The following THSD7B variants were observed in gnomAD, a reference collection of about 807,000 sequenced individuals.
THSD7B encodes the protein thrombospondin type-1 domain-containing protein 7B.
A neutral mutation model predicts 213.6 loss-of-function variants in THSD7B; 138 were observed. The observed-to-expected ratio is 0.65, with a 90% CI of 0.56 to 0.74. The LOEUF (loss-of-function observed/expected upper bound fraction) is 0.74, where lower values mean the gene tolerates loss of function less well. Ranked by LOEUF, THSD7B falls within the 30% of genes least tolerant of loss-of-function variation. The pLI is 0.00. For synonymous variants in THSD7B, 742 were observed against 687.0 expected, an observed-to-expected ratio of 1.08 and a Z score of -1.25; for missense variants, 1,931 against 1,991.5, an observed-to-expected ratio of 0.97 and a Z score of 0.58.
intron 1 of THSD7B, among the ~76,000 whole-genome samples, chr2:136,851,962 G>T (rs1248175269): frequency 2.0e-5 from 3 of 150,974 alleles, no homozygotes; most frequent in Non-Finnish European, 4.4e-5. Flanking sequence ...TGTAGTAACA[G>T]AATAAGGGCC....
At chr2:137,128,287 TC>T (rs1688664389) in intron 5 of THSD7B, among the ~76,000 whole-genome samples, 1 of 152,212 alleles carries the variant, frequency 6.6e-6, no homozygotes, top group Admixed American at 6.5e-5. Flanking sequence ...GATTTATTAA[TC>T]TATTTCTACA....
At chr2:137,526,191 G>A (rs1332744876) in intron 15 of THSD7B, among the ~76,000 whole-genome samples, 1 of 151,912 alleles carries the variant, frequency 6.6e-6, no homozygotes, top group East Asian at 1.9e-4. Context: ...TGGGCTACTG[G>A]GTACATTCCC....
chr2:137,439,744 G>A (rs1205208843), intron 14 of THSD7B, among the ~76,000 whole-genome samples: 6 of 152,078 alleles, frequency 3.9e-5, no homozygotes, highest in African/African-American at 7.2e-5. Flanking sequence ...CATTAGCTCC[G>A]TGAAAGGTAC....
chr2:136,982,115 G>T (rs1001431803), intron 2 of THSD7B, among the ~76,000 whole-genome samples: 1 of 152,162 alleles, frequency 6.6e-6, no homozygotes, highest in Admixed American at 6.5e-5. Flanking sequence ...CAGACAGGCT[G>T]ATCTTGAACT....
chr2:136,766,807 C>T (rs1270418950), intron 1 of THSD7B, among the ~76,000 whole-genome samples: 1 of 152,174 alleles, frequency 6.6e-6, no homozygotes, highest in Non-Finnish European at 1.5e-5. Context: ...TGTTCATTGC[C>T]AGGGTGGTCT....
At chr2:137,619,223 A>G (rs921849017) in intron 19 of THSD7B, among the ~76,000 whole-genome samples, 23 of 152,250 alleles carry the variant, frequency 1.5e-4, no homozygotes, top group African/African-American at 5.5e-4. Context: ...CTTTGGATAA[A>G]TTGGAAAAAG....
At chr2:136,858,485 G>A (rs1683209380) in intron 1 of THSD7B, among the ~76,000 whole-genome samples, 1 of 152,132 alleles carries the variant, frequency 6.6e-6, no homozygotes, top group South Asian at 2.1e-4. Flanking sequence ...TGGGCATCCT[G>A]TGAAATGCTT....
chr2:137,405,491 C>G (rs1056069695), intron 12 of THSD7B, 122 bp from the exon 13 acceptor site: 16 of 819,218 alleles, frequency 2.0e-5, no homozygotes, highest in Non-Finnish European at 3.0e-5. Context: ...TGTTGAACAC[C>G]GTTTGCACCA....
intron 1 of THSD7B, among the ~76,000 whole-genome samples, chr2:136,787,532 A>G (rs1681887898): frequency 6.6e-6 from 1 of 152,128 alleles, no homozygotes; most frequent in Non-Finnish European, 1.5e-5. Context: ...CCTACAATGT[A>G]AGTTTACAAA....
chr2:137,007,504 T>G (rs1247553472), intron 2 of THSD7B, among the ~76,000 whole-genome samples: 1 of 152,158 alleles, frequency 6.6e-6, no homozygotes, highest in East Asian at 1.9e-4. Context: ...TATTTTCATA[T>G]CAGAGAATAA....
At chr2:137,014,430 G>A (rs1156546830) in intron 2 of THSD7B, among the ~76,000 whole-genome samples, 1 of 152,286 alleles carries the variant, frequency 6.6e-6, no homozygotes, top group East Asian at 1.9e-4. Context: ...TCAGAGCGAG[G>A]CTCATCGCTT....
At chr2:137,181,762 C>A (rs1471267177) in intron 7 of THSD7B, among the ~76,000 whole-genome samples, 4 of 152,100 alleles carry the variant, frequency 2.6e-5, no homozygotes, top group Admixed American at 6.6e-5. Context: ...ACAGTCATGT[C>A]CCCTCATCAT....
intron 12 of THSD7B, among the ~76,000 whole-genome samples, chr2:137,394,538 A>G (rs953300206): frequency 1.5e-5 from 2 of 135,840 alleles, no homozygotes; most frequent in Non-Finnish European, 3.3e-5. Context: ...TTTTGGTACC[A>G]GTACCATGCT....
At chr2:137,190,138 C>G (rs1304302536) in intron 7 of THSD7B, among the ~76,000 whole-genome samples, 1 of 152,164 alleles carries the variant, frequency 6.6e-6, no homozygotes, top group African/African-American at 2.4e-5. Context: ...TAGGCTTCCG[C>G]TGGATGTGAC....
At chr2:137,089,346 A>G (rs919936745) in intron 3 of THSD7B, among the ~76,000 whole-genome samples, 1 of 148,254 alleles carries the variant, frequency 6.7e-6, no homozygotes, top group African/African-American at 2.5e-5. Flanking sequence ...ATGTATATAT[A>G]CATATATGTG....
At chr2:137,188,306 T>A (rs900417091) in intron 7 of THSD7B, among the ~76,000 whole-genome samples, 3 of 152,260 alleles carry the variant, frequency 2.0e-5, no homozygotes, top group East Asian at 1.9e-4. Flanking sequence ...AAATGGATAT[T>A]TCATGTTTCA....
chr2:137,105,515 T>C (rs1383493274), intron 4 of THSD7B, among the ~76,000 whole-genome samples: 1 of 152,126 alleles, frequency 6.6e-6, no homozygotes, highest in Admixed American at 6.5e-5. Context: ...ATCCCCTCTC[T>C]TACCACTCCT....
At chr2:137,135,887 A>G (rs770542423) in intron 5 of THSD7B, among the ~76,000 whole-genome samples, 3 of 152,292 alleles carry the variant, frequency 2.0e-5, no homozygotes, top group Middle Eastern at 3.4e-3. Context: ...TTGTTAGACC[A>G]TTAGACACAC....
intron 4 of THSD7B, among the ~76,000 whole-genome samples, chr2:137,097,476 A>T (rs1688060193): frequency 6.6e-6 from 1 of 152,166 alleles, no homozygotes; most frequent in Admixed American, 6.5e-5. Flanking sequence ...GCACAAATTT[A>T]CTCAACTCTG....
Sources: allele counts gnomAD v4.1 joint callset (sites outside exome capture counted in the v4.1 genomes callset), GRCh38; gene constraint gnomAD v4.1.1; transcripts MANE v1.5; gene names NCBI Gene and HGNC (gene_info 2026-07-23, HGNC 2026-07-21).